SCAF8: variants seen among roughly 807,000 people sequenced by gnomAD.
The protein encoded by SCAF8 is SR-related CTD associated factor 8, also known as SR-related and CTD-associated factor 8.
Under a neutral mutation model 140.5 loss-of-function variants are expected in SCAF8, and 23 were observed. The ratio of observed to expected loss-of-function variants is 0.16; its 90% CI spans 0.12 to 0.23. SCAF8 has a LOEUF of 0.23. Ranked by LOEUF, SCAF8 falls within the 10% of genes least tolerant of loss-of-function variation. The probability of loss-of-function intolerance (pLI) is 1.00; values close to 1 mark genes in which losing one functional copy is unlikely to be tolerated. For missense variants in SCAF8, 1,397 were observed against 1,555.7 expected, an observed-to-expected ratio of 0.90 and a Z score of 1.72; for synonymous variants, 575 against 528.9, an observed-to-expected ratio of 1.09 and a Z score of -1.20.
chr6:154,813,606 A>C (rs1442380819), intron 12 of SCAF8, among the ~76,000 whole-genome samples: 1 of 152,168 alleles, frequency 6.6e-6, no homozygotes, highest in Non-Finnish European at 1.5e-5. Flanking sequence ...AGATTGGATA[A>C]TGGCCCCCTA....
At chr6:154,822,742 A>G (rs1356229020) in intron 16 of SCAF8, among the ~76,000 whole-genome samples, 1 of 152,142 alleles carries the variant, frequency 6.6e-6, no homozygotes. Flanking sequence ...AAATTTTTTG[A>G]AAAATTATTT....
chr6:154,800,777 A>G (rs570218144), intron 6 of SCAF8, among the ~76,000 whole-genome samples: 2 of 151,644 alleles, frequency 1.3e-5, no homozygotes, highest in South Asian at 2.1e-4. Flanking sequence ...TATTTTCTAC[A>G]TTTTTGAGAC....
rs373860570 is a variant in SCAF8, at chr6:154,802,164, C to T, written c.783+17C>T. On this transcript the variant is annotated intron_variant, in intron 7 of 19. Transcript: ENST00000367178. The stretch of plus-strand genomic sequence containing the variant: ...TTTAACAAGGTAGAAATTAAAATAT[C>T]GGATCAAGTCTATATGAATTATTAA... The T allele has an allele frequency of 2.1e-5, 31 of 1,500,108 alleles. No homozygotes were observed. In the African/African-American group the frequency reaches 2.1e-4, roughly 10 times the overall value. 92.9% of individuals were successfully genotyped at this position (1,500,108 alleles called of 1,614,324 possible).
At chr6:154,765,255 G>A (rs1241620690) in intron 1 of SCAF8, among the ~76,000 whole-genome samples, 1 of 152,160 alleles carries the variant, frequency 6.6e-6, no homozygotes, top group African/African-American at 2.4e-5. Context: ...ACCATCAGAT[G>A]GAGGTCTTTG....
At chr6:154,773,843 C>A in intron 1 of SCAF8, 146 bp from the exon 2 acceptor site, 1 of 620,968 alleles carries the variant, frequency 1.6e-6, no homozygotes, top group Admixed American at 3.0e-5. Context: ...TTTGCATTTG[C>A]CTTATGGGCA....
intron 13 of SCAF8, among the ~76,000 whole-genome samples, chr6:154,817,788 A>G (rs1466126242): frequency 1.3e-5 from 2 of 152,136 alleles, no homozygotes; most frequent in African/African-American, 4.8e-5. Context: ...TCAGAAAGAA[A>G]CAAATGCTGT....
intron 6 of SCAF8, among the ~76,000 whole-genome samples, chr6:154,801,192 T>A (rs2114897312): frequency 6.6e-6 from 1 of 151,676 alleles, no homozygotes; most frequent in East Asian, 1.9e-4. Context: ...TGTTTCCTAG[T>A]GTTACTGTTT....
At chr6:154,746,548 C>T (rs1197463196) in intron 1 of SCAF8, among the ~76,000 whole-genome samples, 2 of 152,128 alleles carry the variant, frequency 1.3e-5, no homozygotes, top group Non-Finnish European at 2.9e-5. Context: ...AGTTTGTCTT[C>T]GACAGCAAGA....
chr6:154,765,959 C>T (rs1385061497), intron 1 of SCAF8, among the ~76,000 whole-genome samples: 1 of 152,026 alleles, frequency 6.6e-6, no homozygotes, highest in African/African-American at 2.4e-5. Flanking sequence ...TTTGACTCTT[C>T]CCCAACTAAT....
At chr6:154,736,723 A>G (rs962343529) in intron 1 of SCAF8, among the ~76,000 whole-genome samples, 42 of 152,234 alleles carry the variant, frequency 2.8e-4, no homozygotes, top group African/African-American at 9.6e-4. Flanking sequence ...TTACATGTGT[A>G]GATAGGTGTT....
intron 3 of SCAF8, among the ~76,000 whole-genome samples, chr6:154,779,276 T>G (rs144551963): frequency 2.6e-3 from 401 of 152,284 alleles, no homozygotes; most frequent in African/African-American, 9.1e-3. Context: ...CCTCAAATGA[T>G]CCATGTGTCT....
chr6:154,818,588 T>C lies in SCAF8; in HGVS notation c.1631T>C (p.Ile544Thr). 2 of 1,548,956 alleles carry C rather than the reference T, an allele frequency of 1.3e-6. No individual in the cohort carries two copies. The highest frequency in any genetic ancestry group is 1.8e-6 in the Non-Finnish European group (2 of 1,128,452). The change falls in exon 14 of 20, where the codon ATT becomes ACT. Residue 544 changes from isoleucine (I) to threonine (T), a missense_variant. Around this residue, in one of 5 missense-constraint regions of SCAF8, gnomAD observed 59 missense variants for 110.7 expected, o/e 0.53. Transcript: ENST00000367178. ...SGSYKIGSKV[I>T]KIAWALNKGV... ...TCATATAAAATTGGGTCCAAGGTCA[T>C]TAAGGTGAGATTTGGTGGATTGGAA... is the stretch of plus-strand genomic sequence containing the variant.
At chr6:154,766,667 C>A (rs890449305) in intron 1 of SCAF8, among the ~76,000 whole-genome samples, 16 of 101,478 alleles carry the variant, frequency 1.6e-4, no homozygotes, top group Non-Finnish European at 2.8e-4. Context: ...GCACCCCCCC[C>A]CCTTTTTTTT....
chr6:154,778,610 C>T (rs149258194), intron 3 of SCAF8, among the ~76,000 whole-genome samples: 10 of 152,058 alleles, frequency 6.6e-5, no homozygotes, highest in African/African-American at 2.4e-4. Flanking sequence ...ACTAAAAGTA[C>T]AAAAATTAGC....
chr6:154,821,656 C>T (rs1400085297), intron 15 of SCAF8, among the ~76,000 whole-genome samples: 7 of 151,976 alleles, frequency 4.6e-5, no homozygotes, highest in Non-Finnish European at 1.0e-4. Context: ...AAAGAGTATT[C>T]TATATGGAGG....
chr6:154,742,378 TTTGAACTATAAG>T (rs1473779546), intron 1 of SCAF8, among the ~76,000 whole-genome samples: 5 of 152,192 alleles, frequency 3.3e-5, no homozygotes, highest in Admixed American at 6.5e-5. Flanking sequence ...GAAGAATTTC[TTTGAACTATAAG>T]ATGACAAATT....
At chr6:154,786,347 T>G (rs1190788634) in intron 3 of SCAF8, among the ~76,000 whole-genome samples, 1 of 152,176 alleles carries the variant, frequency 6.6e-6, no homozygotes, top group Non-Finnish European at 1.5e-5. Context: ...CAGTGAAAGG[T>G]CTGCAAAATA....
rs1583039633 is a variant in SCAF8, at chr6:154,792,817, C to T, written c.322-6C>T. 1 of 1,578,788 alleles carries T rather than the reference C, an allele frequency of 6.3e-7. No homozygotes were observed. The highest frequency in any genetic ancestry group is 1.9e-5 in the Admixed American group (1 of 53,732). ...ACCAAAATGTCATGTTTCTTTTTTT[C>T]TCTAGAGTAAAATAGTGAGAGTACT... On this transcript the variant is annotated splice_region_variant and splice_polypyrimidine_tract_variant and intron_variant, in intron 4 of 19. Coordinates refer to ENST00000367178, the MANE Select transcript of SCAF8 (RefSeq NM_014892.5).
intron 6 of SCAF8, among the ~76,000 whole-genome samples, chr6:154,798,529 T>C (rs535890211): frequency 6.6e-6 from 1 of 151,382 alleles, no homozygotes; most frequent in Admixed American, 6.6e-5. Context: ...GTTCTTCATA[T>C]CCAATCTGTT....
Sources: gnomAD v4.1 joint callset for allele counts (sites outside exome capture counted in the v4.1 genomes callset) on GRCh38, gnomAD v4.1.1 for gene constraint, gnomAD v4.1.1 regional missense constraint, MANE v1.5 for transcripts, NCBI Gene and HGNC (gene_info 2026-07-23, HGNC 2026-07-21) for gene names.